The following KIZ variants were observed in gnomAD, a reference collection of about 807,000 sequenced individuals.
KIZ encodes kizuna centrosomal protein, also known as centrosomal protein kizuna.
Under a neutral mutation model 79.6 loss-of-function variants are expected in KIZ, and 68 were observed. The observed-to-expected ratio is 0.85, with a 90% CI of 0.70 to 1.05. KIZ has a LOEUF of 1.05. Ranked by LOEUF, KIZ falls within the 50% of genes least tolerant of loss-of-function variation. The pLI is 0.00. For missense variants in KIZ, 797 were observed against 800.4 expected (o/e 1.00, Z 0.05); for synonymous variants, 280 against 281.8 (o/e 0.99, Z 0.06).
intron 6 of KIZ, chr20:21,194,706 T>C (rs927236260): frequency 6.6e-6 from 1 of 152,118 alleles, no homozygotes; most frequent in Non-Finnish European, 1.5e-5. Context: ...AAAAATACTG[T>C]CAGCCAGGTG....
At chr20:21,244,745 G>A in intron 12 of KIZ, 1 of 161,882 alleles carries the variant, frequency 6.2e-6, no homozygotes, top group Non-Finnish European at 1.3e-5. Context: ...CCAAACCCTG[G>A]CTTCCCCCGA....
At position 21,200,590 on chromosome 20, in the gene KIZ, T is replaced by C. The variant is rs145689833; in HGVS notation, c.1353-4901T>C. On this transcript the variant is annotated intron_variant, in intron 6 of 12. Coordinates refer to ENST00000619189, the MANE Select transcript of KIZ (RefSeq NM_018474.6). ...GAACATGCAACCTAGCTCCCTTGCA[T>C]GCACAGTTCACAATAGGGTTCATGC... 3.4e-4 allele frequency among the ~76,000 whole-genome samples: 51 copies of C among 152,012 alleles called. 2 individuals carry two copies. The highest frequency in any genetic ancestry group is 1.2e-3 in the African/African-American group (48 of 41,464).
At chr20:21,144,278 C>G (rs75235605) in intron 3 of KIZ, 1 of 152,024 alleles carries the variant, frequency 6.6e-6, no homozygotes, top group East Asian at 1.9e-4. Flanking sequence ...TTTGTAGTCA[C>G]AAGAAAAAAG....
intron 9 of KIZ, chr20:21,225,980 A>C (rs1376696987): frequency 6.6e-6 from 1 of 152,170 alleles, no homozygotes; most frequent in Non-Finnish European, 1.5e-5. Flanking sequence ...GCTTTTCCTA[A>C]CATCTAGCTT....
chr20:21,127,641 G>A lies in KIZ; in HGVS notation c.89+1437G>A, dbSNP rs76893993. ...TCAGTACAAATCTGTTGCTGTGTGT[G>A]TTCATTTTTCATTTTAAGAATTTAT... On this transcript the variant is annotated intron_variant, in intron 1 of 12. Coordinates refer to ENST00000619189, the MANE Select transcript of KIZ (RefSeq NM_018474.6). 5.7e-3 allele frequency among the ~76,000 whole-genome samples: 872 copies of A among 152,294 alleles called. 11 individuals carry two copies. Among genetic ancestry groups the A allele is most frequent in the African/African-American group, 0.019 (805 of 41,546 alleles).
chr20:21,187,290 T>C (rs2034915512), intron 6 of KIZ, among the ~76,000 whole-genome samples: 1 of 152,158 alleles, frequency 6.6e-6, no homozygotes. Context: ...AGGCATGATA[T>C]TCATAAGCCA....
At chr20:21,166,376 C>T in intron 6 of KIZ, 1 of 1,599,462 alleles carries the variant, frequency 6.3e-7, no homozygotes, top group Non-Finnish European at 8.5e-7. Context: ...TGGAGCTGAT[C>T]ACTCCACACT....
intron 6 of KIZ, chr20:21,166,604 G>A (rs1365085932): frequency 4.1e-6 from 5 of 1,208,002 alleles, no homozygotes; most frequent in Non-Finnish European, 4.7e-6. Context: ...CATTGTGGCG[G>A]TGCGGAAAGA....
At chr20:21,192,727 T>C (rs1175260038) in intron 6 of KIZ, among the ~76,000 whole-genome samples, 1 of 152,162 alleles carries the variant, frequency 6.6e-6, no homozygotes, top group Non-Finnish European at 1.5e-5. Flanking sequence ...GGGGTATGGA[T>C]ACTTTTTTAC....
chr20:21,133,520 G>T (rs1440267922), intron 2 of KIZ, among the ~76,000 whole-genome samples: 1 of 152,236 alleles, frequency 6.6e-6, no homozygotes, highest in Non-Finnish European at 1.5e-5. Context: ...GCAAGTGTGA[G>T]AAAAGGATGG....
chr20:21,214,818 A>G (rs2036221274), intron 8 of KIZ, 118 bp downstream of exon 8: 3 of 550,440 alleles, frequency 5.5e-6, no homozygotes, highest in Non-Finnish European at 9.7e-6. Context: ...TTTAATATGC[A>G]TAATATAGTA....
intron 6 of KIZ, among the ~76,000 whole-genome samples, chr20:21,187,616 C>T (rs576595425): frequency 8.2e-4 from 125 of 152,298 alleles, no homozygotes; most frequent in East Asian, 7.7e-4. Flanking sequence ...TGAGCCTCCT[C>T]GTCTCCTCTC....
At chr20:21,200,245 T>C (rs1009544225) in intron 6 of KIZ, among the ~76,000 whole-genome samples, 1 of 152,126 alleles carries the variant, frequency 6.6e-6, no homozygotes, top group African/African-American at 2.4e-5. Context: ...ATGAGACACC[T>C]GCCCCCATAG....
At chr20:21,178,332 G>T (rs899162216) in intron 6 of KIZ, among the ~76,000 whole-genome samples, 1 of 151,860 alleles carries the variant, frequency 6.6e-6, no homozygotes, top group Non-Finnish European at 1.5e-5. Flanking sequence ...TATTCTTATT[G>T]GTGCTATTGT....
chr20:21,216,852 C>G (rs1002635855), intron 9 of KIZ, among the ~76,000 whole-genome samples: 2 of 152,184 alleles, frequency 1.3e-5, no homozygotes, highest in Non-Finnish European at 2.9e-5. Context: ...TCATTCTTCT[C>G]TTTTCAGTAT....
intron 3 of KIZ, among the ~76,000 whole-genome samples, chr20:21,142,696 G>T (rs1482919569): frequency 6.6e-6 from 1 of 152,042 alleles, no homozygotes; most frequent in Non-Finnish European, 1.5e-5. Flanking sequence ...CGAGGCTGAG[G>T]TAGGAGGATA....
At chr20:21,175,069 TG>T (rs1208494322) in intron 6 of KIZ, among the ~76,000 whole-genome samples, 1 of 152,210 alleles carries the variant, frequency 6.6e-6, no homozygotes, top group Non-Finnish European at 1.5e-5. Context: ...TCAATACTGG[TG>T]GCCCCTGAGC....
chr20:21,141,316 G>A (rs550790236), intron 3 of KIZ, among the ~76,000 whole-genome samples: 1 of 152,274 alleles, frequency 6.6e-6, no homozygotes, highest in East Asian at 1.9e-4. Context: ...GGAGGGCACT[G>A]GGTGTATTAT....
At chr20:21,214,388 C>G (rs1431494904) in intron 7 of KIZ, 147 bp from the exon 8 acceptor site, 5 of 574,072 alleles carry the variant, frequency 8.7e-6, no homozygotes, top group African/African-American at 7.5e-5. Flanking sequence ...TTTTTCTTGA[C>G]ATTTTAATTT....
Sources: allele counts gnomAD v4.1 joint callset (sites outside exome capture counted in the v4.1 genomes callset), GRCh38; gene constraint gnomAD v4.1.1; transcripts MANE v1.5; gene names NCBI Gene and HGNC (gene_info 2026-07-23, HGNC 2026-07-21).